SLFN11: variants seen among roughly 807,000 people sequenced by gnomAD.
SLFN11 encodes schlafen family member 11.
Under a neutral mutation model 53.4 loss-of-function variants are expected in SLFN11, and 43 were observed. That is an observed-to-expected ratio of 0.80 (90% confidence interval 0.63 to 1.04). The LOEUF is 1.04. SLFN11 is among the 50% of genes least tolerant of loss of function. The pLI is 0.00. For synonymous variants in SLFN11, 389 were observed against 394.7 expected, an observed-to-expected ratio of 0.99 and a Z score of 0.17; for missense variants, 990 against 1,079.1, an observed-to-expected ratio of 0.92 and a Z score of 1.16.
At chr17:35,359,031 G>T (rs573322513) in intron 5 of SLFN11, among the ~76,000 whole-genome samples, 91 of 152,154 alleles carry the variant, frequency 6.0e-4, no homozygotes, top group Non-Finnish European at 1.0e-3. Context: ...AAGAAAAAAA[G>T]ACTTGGGAAT....
At chr17:35,361,426 C>CA (rs935728823) in intron 4 of SLFN11, among the ~76,000 whole-genome samples, 1 of 152,026 alleles carries the variant, frequency 6.6e-6, no homozygotes, top group African/African-American at 2.4e-5. Flanking sequence ...ACCTTGAATA[C>CA]ACCCCTACCC....
In SLFN11 at chr17:35,363,377, T is replaced by C; in HGVS notation, c.431A>G (p.Asp144Gly). ...CAGGAAACAGAATGCCTCTCTTGAG[T>C]CCATGGAACGCACAGAGGTCTCAGA... is the stretch of plus-strand genomic sequence containing the variant. ...RRSETSVRSM[D>G]SREAFCFLKT... is the part of the protein sequence containing the mutation. Residue 144 changes from aspartate (D) to glycine (G), a missense_variant, in exon 4 of 7, where the codon GAC becomes GGC. This residue lies in a region of SLFN11 where 521 missense variants were observed against 516.2 expected (regional missense o/e 1.01). Transcript: ENST00000685675. 6.2e-7 allele frequency: 1 copy of C among 1,613,974 alleles called. No individual in the cohort carries two copies. The highest frequency in any genetic ancestry group is 2.2e-5 in the East Asian group (1 of 44,872).
chr17:35,355,475 C>T (rs1907350432), intron 5 of SLFN11, among the ~76,000 whole-genome samples: 1 of 152,096 alleles, frequency 6.6e-6, no homozygotes, highest in African/African-American at 2.4e-5. Flanking sequence ...CGAGTCTGAA[C>T]CCAAGTCTCT....
In SLFN11 at chr17:35,367,842, A is replaced by C. The variant is rs981849255; in HGVS notation, c.-234-142T>G. The C allele has an allele frequency of 2.6e-5, 4 of 152,202 alleles. 1 individual carries two copies. Among genetic ancestry groups the C allele is most frequent in the African/African-American group, 9.7e-5 (4 of 41,348 alleles). 9.4% of individuals were successfully genotyped at this position (152,202 alleles called of 1,614,324 possible). A position where few individuals can be genotyped will look rare whatever the true frequency, so the allele number is the denominator to read the frequency against. On this transcript the variant is annotated intron_variant, in intron 1 of 6. Coordinates refer to ENST00000685675, the MANE Select transcript of SLFN11 (RefSeq NM_001376007.1). ...TTTATTAGCTGTATGGTTTCCATTT[A>C]TTAGCTGTACGGTTTCCATTTATTA...
intron 4 of SLFN11, among the ~76,000 whole-genome samples, 196 bp from the exon 5 acceptor site, chr17:35,360,567 G>A (rs961881534): frequency 1.3e-5 from 2 of 151,890 alleles, no homozygotes; most frequent in African/African-American, 2.4e-5. Context: ...ACCCTGAAAA[G>A]CCATTATTTG....
intron 3 of SLFN11, among the ~76,000 whole-genome samples, chr17:35,365,775 G>A (rs926661803): frequency 2.4e-4 from 36 of 151,996 alleles, no homozygotes; most frequent in African/African-American, 8.5e-4. Context: ...AATTTAAAAA[G>A]CAGGTTTGCA....
chr17:35,358,693 G>C (rs538347249), intron 5 of SLFN11, among the ~76,000 whole-genome samples: 1 of 152,154 alleles, frequency 6.6e-6, no homozygotes, highest in East Asian at 1.9e-4. Flanking sequence ...ACACAGAAAT[G>C]ATGAATTACA....
rs541847558 is a variant in SLFN11, at chr17:35,352,405, G to A, written c.2657C>T (p.Ala886Val). Residue 886 changes from alanine to valine, a missense_variant, in exon 7 of 7, where the codon GCT (alanine) becomes GTT (valine). Ala to Val is a moderately conservative substitution (Grantham distance 64). Around this residue, in one of 3 missense-constraint regions of SLFN11, gnomAD observed 313 missense variants for 320.9 expected, o/e 0.98. Coordinates refer to ENST00000685675, the MANE Select transcript of SLFN11 (RefSeq NM_001376007.1). ...AILPNVLICL[A>V]SRAKQHLYIF... ...ATACAGGTGTTGTTTTGCCCTGGAA[G>A]CCAGACAGATCAGAACATTGGGTAA... The A allele has an allele frequency of 3.1e-6, 5 of 1,614,214 alleles. No individual in the cohort carries two copies. The highest frequency in any genetic ancestry group is 4.2e-6 in the Non-Finnish European group (5 of 1,180,046).
chr17:35,363,863 C>A, intron 3 of SLFN11, 37 bp from the exon 4 acceptor site: 1 of 1,452,062 alleles, frequency 6.9e-7, no homozygotes, highest in South Asian at 1.4e-5. Flanking sequence ...GCATGCAATT[C>A]ATTTATTAAA....
chr17:35,369,863 G>A (rs1280986589), intron 1 of SLFN11, among the ~76,000 whole-genome samples: 1 of 151,990 alleles, frequency 6.6e-6, no homozygotes, highest in Non-Finnish European at 1.5e-5. Flanking sequence ...TGAGAACAAA[G>A]CCATAATAAA....
At position 35,362,698 on chromosome 17, in the gene SLFN11, A is replaced by G. The variant is rs367842165; in HGVS notation, c.1069+41T>C. 44 of 1,473,856 alleles carry G rather than the reference A, an allele frequency of 3.0e-5. No homozygotes were observed. The African/African-American group carries it at 5.6e-4, about 19-fold the overall frequency. 91.3% of individuals were successfully genotyped at this position (1,473,856 alleles called of 1,614,324 possible). ...AAATTTAATATGGGAGGTCCCAAGG[A>G]TGTAGAAAGGACAGGGAGGGAGGAG... On this transcript the variant is annotated intron_variant, in intron 4 of 6. Coordinates refer to ENST00000685675, the MANE Select transcript of SLFN11 (RefSeq NM_001376007.1).
chr17:35,357,063 A>G (rs1209064333), intron 5 of SLFN11, among the ~76,000 whole-genome samples: 2 of 151,638 alleles, frequency 1.3e-5, no homozygotes, highest in Non-Finnish European at 2.9e-5. Context: ...TTTGATTAAT[A>G]TTTAGCATCT....
intron 1 of SLFN11, among the ~76,000 whole-genome samples, chr17:35,371,260 A>G (rs1312668485): frequency 6.6e-6 from 1 of 152,124 alleles, no homozygotes; most frequent in African/African-American, 2.4e-5. Flanking sequence ...GGAAAACTGG[A>G]TATCTATCCG....
chr17:35,352,950 G>C lies in SLFN11; in HGVS notation c.2112C>G (p.Tyr704Ter). ...TGCAATCCAAGTGGCTGGTCTGAAA[G>C]TAATCCAGAAAGATCCAGAGAATTC... Reference protein sequence around the residue: ...GPGILWIFLDYFQTSHLDCSG... With the variant: ...GPGILWIFLD Residue 704 changes from tyrosine to a stop codon, truncating the protein, a stop_gained, in exon 7 of 7, where the codon TAC (tyrosine) becomes TAG (stop). Transcript: ENST00000685675. LOFTEE classifies it low-confidence loss of function (END_TRUNC). 6.2e-7 allele frequency: 1 copy of C among 1,614,206 alleles called. No individual in the cohort carries two copies. Among genetic ancestry groups the C allele is most frequent in the Non-Finnish European group, 8.5e-7 (1 of 1,180,036 alleles).
rs756728457 is a variant in SLFN11 at position 35,363,486 on chromosome 17, T to A, written c.322A>T (p.Lys108Ter). ...GGGAAAGGGCCACTGCTCCAAGATT[T>A]AACAAAAATGTAAAAACACCTTCCT... ...QQGRCFYIFV[K>*]SWSSGPFPED... Residue 108 changes from lysine to a stop codon, truncating the protein, a stop_gained, in exon 4 of 7, where the codon AAA becomes TAA. Coordinates refer to ENST00000685675, the MANE Select transcript of SLFN11 (RefSeq NM_001376007.1). LOFTEE classifies it high-confidence loss of function. 1 of 1,614,004 alleles carries A rather than the reference T, an allele frequency of 6.2e-7. No homozygotes were observed. The highest frequency in any genetic ancestry group is 1.1e-5 in the South Asian group (1 of 91,086).
chr17:35,354,790 G>A (rs1405940962), intron 5 of SLFN11, among the ~76,000 whole-genome samples: 2 of 152,144 alleles, frequency 1.3e-5, no homozygotes, highest in South Asian at 4.1e-4. Flanking sequence ...GTGGGAGGGG[G>A]AGGAAGATAA....
At chr17:35,360,687 G>A (rs958710407) in intron 4 of SLFN11, among the ~76,000 whole-genome samples, 3 of 152,080 alleles carry the variant, frequency 2.0e-5, no homozygotes, top group African/African-American at 7.2e-5. Context: ...TAGTACTGCT[G>A]TCTGTGCATG....
chr17:35,373,418 C>T (rs1251020220), intron 1 of SLFN11, 56 bp downstream of exon 1: 1 of 151,802 alleles, frequency 6.6e-6, no homozygotes, highest in Non-Finnish European at 1.5e-5. Context: ...AGCCCCTCCC[C>T]ACACCCCACA....
chr17:35,361,883 C>G lies in SLFN11; in HGVS notation c.1069+856G>C, dbSNP rs569959189. On this transcript the variant is annotated intron_variant, in intron 4 of 6. Transcript: ENST00000685675. Reference sequence around the variant, plus strand: ...CTTCAGCCTCCCAAGTAGCTGAGACCACAGGCACGCACCACCACGTCTGAC... The same window carrying G: ...CTTCAGCCTCCCAAGTAGCTGAGACGACAGGCACGCACCACCACGTCTGAC... 3.9e-5 allele frequency among the ~76,000 whole-genome samples: 6 copies of G among 151,996 alleles called. No homozygotes were observed. The East Asian group carries it at 1.2e-3, about 29-fold the overall frequency.
Sources: gnomAD v4.1 joint callset for allele counts (sites outside exome capture counted in the v4.1 genomes callset) on GRCh38, gnomAD v4.1.1 for gene constraint, gnomAD v4.1.1 regional missense constraint, MANE v1.5 for transcripts, NCBI Gene and HGNC (gene_info 2026-07-23, HGNC 2026-07-21) for gene names.